Variants in LAMC2 observed in about 807,000 individuals in gnomAD.
LAMC2 encodes laminin subunit gamma 2.
Under a neutral mutation model 140.2 loss-of-function variants are expected in LAMC2, and 97 were observed. That is an observed-to-expected ratio of 0.69 (90% CI 0.59 to 0.82). The LOEUF (loss-of-function observed/expected upper bound fraction) is 0.82, where lower values mean the gene tolerates loss of function less well. LAMC2 is among the 40% of genes least tolerant of loss of function. LAMC2 has a pLI of 0.00. For missense variants in LAMC2, 1,402 were observed against 1,476.1 expected, an observed-to-expected ratio of 0.95 and a Z score of 0.82; for synonymous variants, 513 against 540.2, an observed-to-expected ratio of 0.95 and a Z score of 0.70.
chr1:183,239,629 A>G (rs1378902581), intron 20 of LAMC2, 66 bp downstream of exon 20: 4 of 1,401,690 alleles, frequency 2.9e-6, no homozygotes, highest in Non-Finnish European at 4.0e-6. Flanking sequence ...GTGGAGGGAA[A>G]AAGAACATTG....
chr1:183,199,351 C>G (rs920242228), intron 1 of LAMC2, among the ~76,000 whole-genome samples: 2 of 152,036 alleles, frequency 1.3e-5, no homozygotes, highest in Admixed American at 1.3e-4. Context: ...ATCCACCCAC[C>G]TCGGCCTCCC....
Position 183,221,876 on chromosome 1 carries a change from A to G in LAMC2, c.641-213A>G, listed in dbSNP as rs189179135. 2.6e-5 allele frequency among the ~76,000 whole-genome samples: 4 copies of G among 152,320 alleles called. No individual in the cohort carries two copies. The East Asian group carries it at 7.7e-4, about 29-fold the overall frequency. On this transcript the variant is annotated intron_variant, in intron 5 of 22. Transcript: ENST00000264144. ...CACGAGTCAGACTCAAAGATGAGAA[A>G]TCATAGCAGCTGCGGGATGGGAGCA...
chr1:183,222,988 T>C, intron 6 of LAMC2, 147 bp from the exon 7 acceptor site: 1 of 699,788 alleles, frequency 1.4e-6, no homozygotes, highest in Non-Finnish European at 2.5e-6. Flanking sequence ...CCATGTCCAG[T>C]ACCAGGTCCT....
chr1:183,193,511 ATACT>A (rs10590019), intron 1 of LAMC2, among the ~76,000 whole-genome samples: 86,471 of 151,768 alleles, frequency 0.57, 25,361 homozygotes, highest in East Asian at 0.73. Flanking sequence ...AGCTTTATAC[ATACT>A]TACTGCTGTT....
At chr1:183,240,602 C>A in intron 22 of LAMC2, 1 of 1,428,740 alleles carries the variant, frequency 7.0e-7, no homozygotes, top group South Asian at 1.5e-5. Flanking sequence ...GGTCACTGAA[C>A]ACCTATTGCA....
In LAMC2 at chr1:183,243,857, T is replaced by C. The variant is rs962089655; in HGVS notation, c.*457T>C. On this transcript the variant is annotated 3_prime_UTR_variant, in exon 23 of 23. Transcript: ENST00000264144. ...AACAGAGTGCAACCCAGTCACACTG[T>C]GGCCAGTAAAATACTATTGCCTCAT... The C allele has an allele frequency of 8.5e-6, 2 of 234,476 alleles. No individual in the cohort carries two copies. The highest frequency in any genetic ancestry group is 5.2e-5 in the Admixed American group (1 of 19,338). 14.5% of individuals were successfully genotyped at this position (234,476 alleles called of 1,614,324 possible). A position where few individuals can be genotyped will look rare whatever the true frequency, so the allele number is the denominator to read the frequency against.
Position 183,237,441 on chromosome 1 carries a change from G to C in LAMC2, c.2691G>C (p.Lys897Asn), listed in dbSNP as rs770344310. The C allele has an allele frequency of 2.5e-6, 4 of 1,614,042 alleles. No individual in the cohort carries two copies. Among genetic ancestry groups the C allele is most frequent in the Non-Finnish European group, 3.4e-6 (4 of 1,180,004 alleles). ...TGGATGAGTTCAAGCGTACACAGAA[G>C]AATCTGGGAAACTGGAAAGAAGAAG... ...RHMDEFKRTQ[K>N]NLGNWKEEAQ... The change falls in exon 18 of 23, where the codon AAG becomes AAC. Residue 897 changes from lysine to asparagine, a missense_variant. Coordinates refer to ENST00000264144, the MANE Select transcript of LAMC2 (RefSeq NM_005562.3).
intron 19 of LAMC2, 47 bp downstream of exon 19, chr1:183,238,468 T>C (rs1925043): frequency 0.23 from 288,723 of 1,250,024 alleles, 39,769 homozygotes; most frequent in African/African-American, 0.54. Flanking sequence ...AAGTGTATAG[T>C]CATGACCAAT....
chr1:183,225,425 C>T (rs1659595692), intron 7 of LAMC2, among the ~76,000 whole-genome samples, 183 bp from the exon 8 acceptor site: 1 of 152,120 alleles, frequency 6.6e-6, no homozygotes, highest in South Asian at 2.1e-4. Context: ...GGGGTTTGTC[C>T]TCCCCATGGA....
At chr1:183,200,713 CCGAGGGATCCTGCT>C (rs1207308733) in intron 1 of LAMC2, among the ~76,000 whole-genome samples, 2 of 152,106 alleles carry the variant, frequency 1.3e-5, no homozygotes, top group East Asian at 3.9e-4. Context: ...TGAAGTGAGC[CCGAGGGATCCTGCT>C]CGCCTCACTC....
At chr1:183,252,823 A>G in the LAMC2 span, 1 of 1,010,660 alleles carries the variant, frequency 9.9e-7, no homozygotes. Context: ...CTGTCTCCCC[A>G]GCACCCCATT....
intron 4 of LAMC2, 123 bp downstream of exon 4, chr1:183,218,611 T>G: frequency 2.6e-6 from 2 of 778,474 alleles, no homozygotes; most frequent in Non-Finnish European, 4.5e-6. Context: ...ACCTTCTTCC[T>G]GCTCTCTGTC....
chr1:183,218,914 A>G (rs1223435647), intron 4 of LAMC2, among the ~76,000 whole-genome samples: 1 of 152,238 alleles, frequency 6.6e-6, no homozygotes, highest in Admixed American at 6.5e-5. Flanking sequence ...GCATATGGCC[A>G]TATATAACCA....
chr1:183,217,793 G>T (rs1223545208), intron 3 of LAMC2, among the ~76,000 whole-genome samples: 3 of 152,194 alleles, frequency 2.0e-5, no homozygotes, highest in South Asian at 2.1e-4. Flanking sequence ...AAGGGCACAG[G>T]ATTTCTTTCC....
chr1:183,255,106 T>A, the LAMC2 span, among the ~76,000 whole-genome samples: 1 of 152,240 alleles, frequency 6.6e-6, no homozygotes, highest in Non-Finnish European at 1.5e-5. Flanking sequence ...TGGTGTGAGA[T>A]AAGGTCCAAT....
chr1:183,255,215 C>T, the LAMC2 span, among the ~76,000 whole-genome samples: 3 of 152,176 alleles, frequency 2.0e-5, no homozygotes, highest in South Asian at 2.1e-4. Flanking sequence ...TGTCAAAAAT[C>T]AGTTGACCAT....
intron 12 of LAMC2, among the ~76,000 whole-genome samples, chr1:183,231,378 T>C (rs1285124435): frequency 6.6e-6 from 1 of 152,254 alleles, no homozygotes; most frequent in African/African-American, 2.4e-5. Flanking sequence ...AAAGGAAAAG[T>C]ATTCTGACCT....
intron 1 of LAMC2, among the ~76,000 whole-genome samples, chr1:183,204,482 A>C (rs994777961): frequency 1.3e-5 from 2 of 150,176 alleles, no homozygotes; most frequent in African/African-American, 2.5e-5. Flanking sequence ...CACTACAAAA[A>C]TTAGTTGGGC....
At chr1:183,250,637 CT>C in the LAMC2 span, 1 of 152,758 alleles carries the variant, frequency 6.5e-6, no homozygotes, top group Non-Finnish European at 1.5e-5. Flanking sequence ...GCTCCCTCAA[CT>C]TTTAAAGGAA....
Sources: allele counts gnomAD v4.1 joint callset (sites outside exome capture counted in the v4.1 genomes callset), GRCh38; gene constraint gnomAD v4.1.1; transcripts MANE v1.5; gene names NCBI Gene and HGNC (gene_info 2026-07-23, HGNC 2026-07-21).